GABPA: variants seen among roughly 807,000 people sequenced by gnomAD.
GABPA encodes the protein GA binding protein transcription factor subunit alpha.
Under a neutral mutation model 59.4 loss-of-function variants are expected in GABPA, and 4 were observed. The ratio of observed to expected loss-of-function variants is 0.07; its 90% CI spans 0.03 to 0.15. The LOEUF is 0.15. GABPA is among the 10% of genes least tolerant of loss of function. The pLI is 1.00. For synonymous variants in GABPA, 164 were observed against 183.1 expected, an observed-to-expected ratio of 0.90 and a Z score of 0.84; for missense variants, 251 against 543.8, an observed-to-expected ratio of 0.46 and a Z score of 5.36.
At chr21:25,764,175 G>A in intron 7 of GABPA, 35 bp from the exon 8 acceptor site, 1 of 1,517,666 alleles carries the variant, frequency 6.6e-7, no homozygotes, top group Non-Finnish European at 8.8e-7. Flanking sequence ...GCTTGTATTG[G>A]AAGAAAAAAA....
rs1011131991 is a variant in GABPA at position 25,771,967 on chromosome 21, AGTT to A, written c.*2739_*2741del. On this transcript the variant is annotated 3_prime_UTR_variant, in exon 10 of 10. Transcript: ENST00000400075. ...TCTATGTTATTAGGAAAAATTGTTT[AGTT>A]GTTTTCTCCCCTGATTAATGGTGAT... The A allele has an allele frequency of 2.6e-5, 4 of 152,076 alleles. No homozygotes were observed. The highest frequency in any genetic ancestry group is 2.6e-4 in the Admixed American group (4 of 15,278). The allele number at this position is 152,076 out of a possible 1,614,324, so 9.4% of individuals were successfully genotyped here. A position where few individuals can be genotyped will look rare whatever the true frequency, so the allele number is the denominator to read the frequency against.
intron 5 of GABPA, chr21:25,752,487 G>A (rs1223815943): frequency 2.3e-5 from 10 of 427,370 alleles, no homozygotes; most frequent in Non-Finnish European, 2.1e-5. Context: ...TGAAGAGAGA[G>A]AAGATAGATG....
At position 25,772,423 on chromosome 21, in the gene GABPA, A is replaced by C. The variant is rs1373643558; in HGVS notation, c.*3191A>C. Reference sequence around the variant, plus strand: ...ATAAATATTTGTGCATAAAATGTAAAAATAGTAAAATGAGAAAAATAAAAC... The same window carrying C: ...ATAAATATTTGTGCATAAAATGTAACAATAGTAAAATGAGAAAAATAAAAC... On this transcript the variant is annotated 3_prime_UTR_variant, in exon 10 of 10. Transcript: ENST00000400075. The C allele has an allele frequency of 6.6e-6, 1 of 152,114 alleles. No homozygotes were observed. The highest frequency in any genetic ancestry group is 1.9e-4 in the East Asian group (1 of 5,206). The allele number at this position is 152,114 out of a possible 1,614,324, so 9.4% of individuals were successfully genotyped here. A position where few individuals can be genotyped will look rare whatever the true frequency, so the allele number is the denominator to read the frequency against.
At chr21:25,748,385 T>C (rs2035421954) in intron 3 of GABPA, among the ~76,000 whole-genome samples, 1 of 152,204 alleles carries the variant, frequency 6.6e-6, no homozygotes, top group African/African-American at 2.4e-5. Flanking sequence ...GTCTTTAAGC[T>C]GATGACAGAA....
chr21:25,744,794 T>G (rs2035318776), intron 2 of GABPA, among the ~76,000 whole-genome samples: 1 of 152,214 alleles, frequency 6.6e-6, no homozygotes, highest in Non-Finnish European at 1.5e-5. Flanking sequence ...TCTTTCTTTT[T>G]TTTTATGTGG....
At chr21:25,756,474 A>G (rs1373408233) in intron 5 of GABPA, among the ~76,000 whole-genome samples, 1 of 152,182 alleles carries the variant, frequency 6.6e-6, no homozygotes, top group Non-Finnish European at 1.5e-5. Flanking sequence ...GCTCAGTTTG[A>G]CAAACACCCA....
intron 5 of GABPA, among the ~76,000 whole-genome samples, chr21:25,753,676 CAG>C (rs2035567516): frequency 6.6e-6 from 1 of 152,016 alleles, no homozygotes; most frequent in Non-Finnish European, 1.5e-5. Context: ...CGAGACAAAA[CAG>C]AATTATAAGA....
chr21:25,753,849 G>T (rs1285454014), intron 5 of GABPA, among the ~76,000 whole-genome samples: 1 of 152,138 alleles, frequency 6.6e-6, no homozygotes, highest in Non-Finnish European at 1.5e-5. Flanking sequence ...TAGAGACAAG[G>T]TTGTACCTGG....
intron 8 of GABPA, 56 bp downstream of exon 8, chr21:25,764,406 T>G: frequency 6.6e-7 from 1 of 1,510,034 alleles, no homozygotes; most frequent in Non-Finnish European, 9.0e-7. Context: ...AGGTATATTT[T>G]GTTGTATTTT....
At chr21:25,763,504 C>T (rs2035814539) in intron 7 of GABPA, among the ~76,000 whole-genome samples, 1 of 152,094 alleles carries the variant, frequency 6.6e-6, no homozygotes. Flanking sequence ...TTCCTCTCTC[C>T]TACCAGAGAA....
Position 25,769,344 on chromosome 21 carries a change from T to C in GABPA, c.*112T>C. On this transcript the variant is annotated 3_prime_UTR_variant, in exon 10 of 10. Coordinates refer to ENST00000400075, the MANE Select transcript of GABPA (RefSeq NM_002040.4). ...TCTTTTATTTCTAGGCTGTACAGTC[T>C]GATGCATGATTTTTTTATAAATATT... 1.7e-6 allele frequency: 1 copy of C among 594,750 alleles called. No individual in the cohort carries two copies. The highest frequency in any genetic ancestry group is 2.2e-5 in the South Asian group (1 of 45,138). The allele number at this position is 594,750 out of a possible 1,614,324, so 36.8% of individuals were successfully genotyped here.
At chr21:25,745,163 C>G (rs1353621347) in intron 2 of GABPA, 47 bp from the exon 3 acceptor site, 6 of 1,592,928 alleles carry the variant, frequency 3.8e-6, no homozygotes, top group Non-Finnish European at 5.1e-6. Context: ...GCTTTGAAAT[C>G]CAGGGTAAAA....
chr21:25,750,881 A>G (rs955201857), intron 4 of GABPA, among the ~76,000 whole-genome samples: 1 of 152,206 alleles, frequency 6.6e-6, no homozygotes, highest in African/African-American at 2.4e-5. Context: ...AACAAAAAAT[A>G]TTTTTGATTC....
chr21:25,745,506 T>G (rs2035338456), intron 3 of GABPA, 152 bp downstream of exon 3: 1 of 608,572 alleles, frequency 1.6e-6, no homozygotes, highest in Admixed American at 3.8e-5. Flanking sequence ...AATAAAAAGG[T>G]TTTTAAGCAA....
intron 6 of GABPA, among the ~76,000 whole-genome samples, chr21:25,760,718 A>C (rs994677387): frequency 1.3e-5 from 2 of 152,122 alleles, no homozygotes; most frequent in Non-Finnish European, 2.9e-5. Flanking sequence ...ATGTTTCTTC[A>C]TAAAATGGCT....
chr21:25,767,638 C>T (rs555951557), intron 9 of GABPA, among the ~76,000 whole-genome samples: 45 of 152,034 alleles, frequency 3.0e-4, no homozygotes, highest in South Asian at 2.1e-4. Flanking sequence ...TTTTTCCCCA[C>T]GTATAGTCTT....
chr21:25,742,137 A>G (rs2035237110), intron 2 of GABPA, among the ~76,000 whole-genome samples: 1 of 152,270 alleles, frequency 6.6e-6, no homozygotes, highest in Admixed American at 6.5e-5. Flanking sequence ...TTACGGGACC[A>G]GTACTAAGCA....
chr21:25,750,367 CTCTTAACCCTT>C (rs1249975225), intron 4 of GABPA, among the ~76,000 whole-genome samples: 1 of 152,184 alleles, frequency 6.6e-6, no homozygotes, highest in Non-Finnish European at 1.5e-5. Flanking sequence ...TGCTTGTCCT[CTCTTAACCCTT>C]TTCCAAATAG....
intron 9 of GABPA, among the ~76,000 whole-genome samples, chr21:25,766,078 A>G (rs1274229436): frequency 6.6e-6 from 1 of 152,062 alleles, no homozygotes; most frequent in African/African-American, 2.4e-5. Context: ...TTCTCAAGAC[A>G]AATAGGCCAT....
Sources: allele counts gnomAD v4.1 joint callset (sites outside exome capture counted in the v4.1 genomes callset), GRCh38; gene constraint gnomAD v4.1.1; transcripts MANE v1.5; gene names NCBI Gene and HGNC (gene_info 2026-07-23, HGNC 2026-07-21).